SORCS2: variants seen among roughly 807,000 people sequenced by gnomAD.
SORCS2 encodes the protein sortilin related VPS10 domain containing receptor 2.
SORCS2 carries 100 observed loss-of-function variants against 141.6 expected under a neutral mutation model. The observed-to-expected ratio is 0.71, with a 90% confidence interval of 0.60 to 0.83. The LOEUF is 0.83. Ranked by LOEUF, SORCS2 falls within the 40% of genes least tolerant of loss-of-function variation. The pLI is 0.00. For synonymous variants in SORCS2, 789 were observed against 676.9 expected (o/e 1.17, Z -2.57); for missense variants, 1,646 against 1,560.2 (o/e 1.05, Z -0.93).
chr4:7,433,888 G>T (rs775879452), intron 2 of SORCS2: 3 of 1,613,928 alleles, frequency 1.9e-6, no homozygotes, highest in South Asian at 1.1e-5. Context: ...CTTCGTGATA[G>T]AGGCAGGCAT....
intron 5 of SORCS2, among the ~76,000 whole-genome samples, chr4:7,660,383 G>A (rs1012773644): frequency 1.2e-4 from 19 of 152,120 alleles, no homozygotes; most frequent in Non-Finnish European, 2.4e-4. Context: ...CCCAAGGCCC[G>A]CAGCGGGCCT....
At chr4:7,340,394 G>A (rs1183815483) in intron 1 of SORCS2, among the ~76,000 whole-genome samples, 2 of 152,238 alleles carry the variant, frequency 1.3e-5, no homozygotes, top group Admixed American at 1.3e-4. Flanking sequence ...GGCAGACAGG[G>A]ATGGCTGGTC....
chr4:7,500,006 C>T (rs1052129067), intron 2 of SORCS2, among the ~76,000 whole-genome samples: 13 of 152,112 alleles, frequency 8.5e-5, no homozygotes, highest in African/African-American at 2.7e-4. Context: ...ACTGGGCATT[C>T]GTGTGTCTGC....
chr4:7,289,769 G>A (rs924193576), intron 1 of SORCS2, among the ~76,000 whole-genome samples: 1 of 152,202 alleles, frequency 6.6e-6, no homozygotes, highest in Non-Finnish European at 1.5e-5. Flanking sequence ...AGAGGCGGAC[G>A]TGGGTGAACA....
intron 3 of SORCS2, among the ~76,000 whole-genome samples, chr4:7,555,554 T>A (rs1036085576): frequency 6.6e-6 from 1 of 152,246 alleles, no homozygotes; most frequent in Admixed American, 6.5e-5. Flanking sequence ...CATTTACGCG[T>A]GCAACTATTT....
intron 1 of SORCS2, among the ~76,000 whole-genome samples, chr4:7,208,807 G>A (rs985081387): frequency 1.3e-5 from 2 of 152,208 alleles, no homozygotes; most frequent in African/African-American, 4.8e-5. Flanking sequence ...CCGGGCCCTG[G>A]TCCGAGTCTT....
At chr4:7,322,307 C>G (rs555099746) in intron 1 of SORCS2, among the ~76,000 whole-genome samples, 10 of 152,260 alleles carry the variant, frequency 6.6e-5, no homozygotes, top group African/African-American at 2.4e-4. Context: ...GGTGGCCATG[C>G]CCCCTCTGTC....
intron 14 of SORCS2, 83 bp from the exon 15 acceptor site, chr4:7,712,650 G>A (rs1441941149): frequency 3.8e-6 from 6 of 1,578,174 alleles, no homozygotes; most frequent in Non-Finnish European, 5.2e-6. Flanking sequence ...TAGGAACAGA[G>A]TCCAGAGGGG....
chr4:7,488,216 A>G (rs1731111726), intron 2 of SORCS2, among the ~76,000 whole-genome samples: 1 of 152,126 alleles, frequency 6.6e-6, no homozygotes, highest in Non-Finnish European at 1.5e-5. Context: ...CTCCCCTGTC[A>G]AGTCCTTCAG....
chr4:7,386,464 C>T (rs1723329935), intron 1 of SORCS2, among the ~76,000 whole-genome samples: 1 of 89,184 alleles, frequency 1.1e-5, no homozygotes, highest in Non-Finnish European at 2.3e-5. Flanking sequence ...TGCACGCACA[C>T]ACATGCACAC....
intron 1 of SORCS2, among the ~76,000 whole-genome samples, chr4:7,269,200 G>A (rs1349969431): frequency 2.6e-5 from 4 of 152,226 alleles, no homozygotes; most frequent in African/African-American, 4.8e-5. Flanking sequence ...GATGAGGGCC[G>A]GTGATGCCAG....
intron 1 of SORCS2, among the ~76,000 whole-genome samples, chr4:7,316,329 C>G (rs912947290): frequency 6.6e-6 from 1 of 152,218 alleles, no homozygotes; most frequent in South Asian, 2.1e-4. Flanking sequence ...GGACATCTCT[C>G]ATATCCCAGA....
At chr4:7,625,513 G>C (rs1188862406) in intron 3 of SORCS2, among the ~76,000 whole-genome samples, 3 of 151,926 alleles carry the variant, frequency 2.0e-5, no homozygotes, top group African/African-American at 7.3e-5. Context: ...AGGAGTTCAA[G>C]TTCAAGCAGA....
intron 20 of SORCS2, among the ~76,000 whole-genome samples, chr4:7,725,994 T>C (rs1278744342): frequency 6.6e-6 from 1 of 152,236 alleles, no homozygotes; most frequent in Non-Finnish European, 1.5e-5. Flanking sequence ...TCCAGCTGAA[T>C]GCTCCACACA....
chr4:7,415,869 C>T (rs1049451203), intron 2 of SORCS2, among the ~76,000 whole-genome samples: 5 of 152,224 alleles, frequency 3.3e-5, no homozygotes, highest in Non-Finnish European at 7.3e-5. Flanking sequence ...GATAGGGGCC[C>T]AACATCCAGT....
chr4:7,562,335 A>AAT (rs1714654145), intron 3 of SORCS2, among the ~76,000 whole-genome samples: 1 of 151,830 alleles, frequency 6.6e-6, no homozygotes, highest in Non-Finnish European at 1.5e-5. Context: ...GGCAAAAAAA[A>AAT]GGTGGATGGT....
chr4:7,605,072 G>T (rs1717976273), intron 3 of SORCS2, among the ~76,000 whole-genome samples: 1 of 152,218 alleles, frequency 6.6e-6, no homozygotes, highest in Non-Finnish European at 1.5e-5. Context: ...AAATCTGGAG[G>T]AGGTCAGCAT....
At chr4:7,312,349 G>A (rs1250010647) in intron 1 of SORCS2, among the ~76,000 whole-genome samples, 3 of 152,150 alleles carry the variant, frequency 2.0e-5, no homozygotes, top group South Asian at 2.1e-4. Flanking sequence ...CTCCCACTCC[G>A]GTCTATTGAT....
At chr4:7,198,991 G>A (rs1020573895) in intron 1 of SORCS2, among the ~76,000 whole-genome samples, 4 of 152,206 alleles carry the variant, frequency 2.6e-5, no homozygotes, top group African/African-American at 9.7e-5. Context: ...CCCTCCACGT[G>A]GCCTCATATT....
Sources: allele counts gnomAD v4.1 joint callset (sites outside exome capture counted in the v4.1 genomes callset), GRCh38; gene constraint gnomAD v4.1.1; transcripts MANE v1.5; gene names NCBI Gene and HGNC (gene_info 2026-07-23, HGNC 2026-07-21).